The following NBEA variants were observed in gnomAD, a reference collection of about 807,000 sequenced individuals.
NBEA encodes the protein lysosomal-trafficking regulator 2.
In NBEA, 44 loss-of-function variants were observed where a neutral mutation model predicts 343.4. That is an observed-to-expected ratio of 0.13 (90% CI 0.10 to 0.16). NBEA has a LOEUF of 0.16. NBEA is among the 10% of genes least tolerant of loss of function. The probability of loss-of-function intolerance (pLI) is 1.00; values close to 1 mark genes in which losing one functional copy is unlikely to be tolerated. For synonymous variants in NBEA, 1,175 were observed against 1,238.7 expected (o/e 0.95, Z 1.08); for missense variants, 2,555 against 3,631.3 (o/e 0.70, Z 7.62).
intron 48 of NBEA, among the ~76,000 whole-genome samples, chr13:35,623,308 T>C (rs907038143): frequency 6.6e-6 from 1 of 152,162 alleles, no homozygotes; most frequent in African/African-American, 2.4e-5. Context: ...ATACTGTTTA[T>C]AGTAAAGAGT....
At chr13:35,131,320 A>G (rs2067413922) in intron 17 of NBEA, among the ~76,000 whole-genome samples, 1 of 152,194 alleles carries the variant, frequency 6.6e-6, no homozygotes, top group Non-Finnish European at 1.5e-5. Flanking sequence ...AATCTCCCCT[A>G]TGAACATGAG....
At position 35,290,516 on chromosome 13, in the gene NBEA, T is replaced by C. The variant is rs1195047147; in HGVS notation, c.5838+66T>C. 5 of 1,030,696 alleles carry C rather than the reference T, an allele frequency of 4.9e-6. No individual in the cohort carries two copies. In the African/African-American group the frequency reaches 6.4e-5, roughly 13 times the overall value. 63.8% of individuals were successfully genotyped at this position (1,030,696 alleles called of 1,614,324 possible). A position where few individuals can be genotyped will look rare whatever the true frequency, so the allele number is the denominator to read the frequency against. ...GTTTTTTGTGACTAATAATAAAAAG[T>C]ATGTGCATATATATGTGTATGTTTA... On this transcript the variant is annotated intron_variant, in intron 35 of 58. Transcript: ENST00000379939.
chr13:35,670,921 C>T lies in NBEA; in HGVS notation c.8834C>T (p.Ala2945Val). 1.9e-6 allele frequency: 3 copies of T among 1,596,494 alleles called. No homozygotes were observed. The highest frequency in any genetic ancestry group is 2.6e-6 in the Non-Finnish European group (3 of 1,170,508). The stretch of plus-strand genomic sequence containing the variant: ...TCCAGGACTCTGATCACTGGCATGG[C>T]TTCTGGTAGCATTGTAGCTTTTAAT... Reference protein sequence around the residue: ...HDQRTLITGMASGSIVAFNID... With the variant: ...HDQRTLITGMVSGSIVAFNID... Residue 2945 changes from alanine to valine, a missense_variant, in exon 59 of 59, where the codon GCT becomes GTT. Ala to Val is a moderately conservative substitution (Grantham distance 64). This residue lies in a region of NBEA where 186 missense variants were observed against 328.9 expected (regional missense o/e 0.57). Coordinates refer to ENST00000379939, the MANE Select transcript of NBEA (RefSeq NM_001385012.1).
chr13:35,232,751 T>C (rs1346623719), intron 34 of NBEA, 132 bp downstream of exon 34: 2 of 677,690 alleles, frequency 3.0e-6, no homozygotes, highest in Non-Finnish European at 4.3e-6. Flanking sequence ...TCTAATAAGA[T>C]ATTCAATATG....
chr13:35,090,069 T>TAAATAAATAAAC (rs2065002107), intron 10 of NBEA, among the ~76,000 whole-genome samples: 1 of 149,516 alleles, frequency 6.7e-6, no homozygotes, highest in Non-Finnish European at 1.5e-5. Flanking sequence ...ATAAAATAAA[T>TAAATAAATAAAC]AAATAAATAA....
At chr13:35,322,765 T>C (rs2076738295) in intron 36 of NBEA, among the ~76,000 whole-genome samples, 1 of 152,224 alleles carries the variant, frequency 6.6e-6, no homozygotes, top group South Asian at 2.1e-4. Context: ...GTTATTTATC[T>C]AAAACTAAAG....
chr13:35,366,032 A>G lies in NBEA; in HGVS notation c.6179+13709A>G, dbSNP rs573664166. 1.3e-4 allele frequency among the ~76,000 whole-genome samples: 19 copies of G among 151,762 alleles called. No homozygotes were observed. The South Asian group carries it at 3.7e-3, about 30-fold the overall frequency. On this transcript the variant is annotated intron_variant, in intron 38 of 58. Coordinates refer to ENST00000379939, the MANE Select transcript of NBEA (RefSeq NM_001385012.1). The stretch of plus-strand genomic sequence containing the variant: ...GTGCTGTATTTTGAAGTCATCTGTC[A>G]TGGATACATTGTAGAGAGAGAAGAC...
At chr13:35,370,431 A>G (rs1009995040) in intron 38 of NBEA, among the ~76,000 whole-genome samples, 4 of 152,024 alleles carry the variant, frequency 2.6e-5, no homozygotes, top group Admixed American at 2.0e-4. Flanking sequence ...GTGTCTTTGC[A>G]GATGAGATGA....
intron 34 of NBEA, among the ~76,000 whole-genome samples, chr13:35,272,943 A>G (rs1028768241): frequency 6.6e-6 from 1 of 152,194 alleles, no homozygotes; most frequent in Non-Finnish European, 1.5e-5. Context: ...AGACAGATCA[A>G]TGAGACCAAA....
In NBEA at chr13:35,646,291, G is replaced by A; in HGVS notation, c.7713G>A (p.Gln2571=). The part of the protein sequence containing the change: ...AMEAQIQNFG[Q]TPSQLLIEPH... ...AGGCACAGATACAGAACTTTGGACA[G>A]ACGCCATCTCAGTTGCTTATTGAGC... The change falls in exon 51 of 59, where the codon CAG becomes CAA. Residue 2571 remains glutamine, a synonymous_variant. Transcript: ENST00000379939. 1 of 1,613,802 alleles carries A rather than the reference G, an allele frequency of 6.2e-7. No individual in the cohort carries two copies. Among genetic ancestry groups the A allele is most frequent in the African/African-American group, 1.3e-5 (1 of 75,040 alleles).
chr13:35,202,532 A>G (rs1012032853), intron 31 of NBEA, among the ~76,000 whole-genome samples: 1 of 152,180 alleles, frequency 6.6e-6, no homozygotes, highest in African/African-American at 2.4e-5. Flanking sequence ...AGGATAAACC[A>G]TGATGTACAC....
chr13:35,616,066 G>A (rs967973112), intron 48 of NBEA, among the ~76,000 whole-genome samples: 1 of 152,130 alleles, frequency 6.6e-6, no homozygotes, highest in Middle Eastern at 3.2e-3. Context: ...AAGCTTTGTA[G>A]TCATGGGATT....
At chr13:35,585,075 T>G (rs1007002617) in intron 46 of NBEA, among the ~76,000 whole-genome samples, 1 of 149,572 alleles carries the variant, frequency 6.7e-6, no homozygotes, top group African/African-American at 2.5e-5. Context: ...GAAAACCTCT[T>G]TCTGTTACTT....
chr13:35,407,366 A>C (rs991907464), intron 38 of NBEA, among the ~76,000 whole-genome samples: 5 of 152,262 alleles, frequency 3.3e-5, no homozygotes, highest in Admixed American at 3.3e-4. Flanking sequence ...ATAGGGAATG[A>C]TAACCAAGAG....
At chr13:35,074,829 G>C (rs2064042323) in intron 10 of NBEA, among the ~76,000 whole-genome samples, 1 of 151,978 alleles carries the variant, frequency 6.6e-6, no homozygotes, top group South Asian at 2.1e-4. Flanking sequence ...GAGGGAAGTG[G>C]CTAAAACGTA....
At chr13:35,403,486 G>C (rs1187326109) in intron 38 of NBEA, among the ~76,000 whole-genome samples, 1 of 151,800 alleles carries the variant, frequency 6.6e-6, no homozygotes, top group Admixed American at 6.6e-5. Context: ...ACAAACCTGA[G>C]AAAAACAAGC....
intron 1 of NBEA, among the ~76,000 whole-genome samples, chr13:35,035,389 C>A (rs1234791827): frequency 6.6e-6 from 1 of 151,836 alleles, no homozygotes; most frequent in Non-Finnish European, 1.5e-5. Context: ...TATATTATTT[C>A]ATTTTTTTGG....
chr13:35,553,337 G>A (rs1354282173), intron 43 of NBEA, among the ~76,000 whole-genome samples: 1 of 151,948 alleles, frequency 6.6e-6, no homozygotes, highest in African/African-American at 2.4e-5. Flanking sequence ...CTAATTATTA[G>A]TTTCCTAATA....
At chr13:35,587,402 AC>A (rs1237614722) in intron 46 of NBEA, among the ~76,000 whole-genome samples, 1 of 152,096 alleles carries the variant, frequency 6.6e-6, no homozygotes, top group Non-Finnish European at 1.5e-5. Context: ...AGAGATTTTC[AC>A]CCTGGGAGGC....
Sources: allele counts gnomAD v4.1 joint callset (sites outside exome capture counted in the v4.1 genomes callset), GRCh38; gene constraint gnomAD v4.1.1; regional missense constraint gnomAD v4.1.1; transcripts MANE v1.5; gene names NCBI Gene and HGNC (gene_info 2026-07-23, HGNC 2026-07-21).